Variants in MEI4 observed in about 807,000 individuals in gnomAD.
MEI4 encodes meiotic double-stranded break formation protein 4.
A neutral mutation model predicts 31.4 loss-of-function variants in MEI4; 27 were observed. That is an observed-to-expected ratio of 0.86 (90% CI 0.63 to 1.19). The LOEUF (loss-of-function observed/expected upper bound fraction) is 1.19, where lower values mean the gene tolerates loss of function less well. MEI4 is among the 50% of genes most tolerant of loss of function. The pLI is 0.00. For missense variants in MEI4, 329 were observed against 398.9 expected (o/e 0.82, Z 1.49); for synonymous variants, 122 against 145.4 (o/e 0.84, Z 1.16).
intron 3 of MEI4, among the ~76,000 whole-genome samples, chr6:77,778,701 T>C (rs917589235): frequency 6.9e-6 from 1 of 145,010 alleles, no homozygotes; most frequent in South Asian, 2.2e-4. Flanking sequence ...CCTGAGACCC[T>C]GTCTCAAATA....
At chr6:77,883,744 A>ATATATATAT (rs1491236242) in intron 4 of MEI4, among the ~76,000 whole-genome samples, 41 of 124,886 alleles carry the variant, frequency 3.3e-4, no homozygotes, top group East Asian at 7.8e-4. Context: ...ATATATATAT[A>ATATATATAT]ACTTTGTCTT....
intron 2 of MEI4, among the ~76,000 whole-genome samples, chr6:77,704,777 A>G (rs11965779): frequency 0.15 from 22,577 of 152,134 alleles, 1,814 homozygotes; most frequent in East Asian, 0.27. Context: ...GTAATCATTC[A>G]AAACACCTGA....
chr6:77,704,502 T>C (rs2127657644), intron 2 of MEI4, among the ~76,000 whole-genome samples: 1 of 152,314 alleles, frequency 6.6e-6, no homozygotes, highest in African/African-American at 2.4e-5. Flanking sequence ...TACTTTAAGG[T>C]GGTTCCTTAG....
Position 77,758,442 on chromosome 6 carries a change from C to G in MEI4, c.233-2688C>G, listed in dbSNP as rs115345936. Among the ~76,000 whole-genome samples, 1,059 of 152,212 alleles carry G rather than the reference C, an allele frequency of 7.0e-3. 13 individuals carry two copies. Among genetic ancestry groups the G allele is most frequent in the African/African-American group, 0.024 (999 of 41,538 alleles). On this transcript the variant is annotated intron_variant, in intron 2 of 4. Coordinates refer to ENST00000684080, the MANE Select transcript of MEI4 (RefSeq NM_001322247.2). ...ATCAGCTTCCTTTTTTTCTGAAGGACAAGAGCAGCAAATTAGATTTACGAA... is the reference window on the plus strand; with the variant it reads ...ATCAGCTTCCTTTTTTTCTGAAGGAGAAGAGCAGCAAATTAGATTTACGAA...
At chr6:77,868,585 C>T (rs1357247994) in intron 4 of MEI4, among the ~76,000 whole-genome samples, 1 of 140,276 alleles carries the variant, frequency 7.1e-6, no homozygotes, top group African/African-American at 2.6e-5. Flanking sequence ...CAATAAACTC[C>T]CCTATTGATT....
chr6:77,819,386 A>G (rs1322355232), intron 3 of MEI4, among the ~76,000 whole-genome samples: 1 of 151,934 alleles, frequency 6.6e-6, no homozygotes, highest in Non-Finnish European at 1.5e-5. Flanking sequence ...TTTTATAGAG[A>G]TAATATTTTG....
intron 3 of MEI4, among the ~76,000 whole-genome samples, chr6:77,791,487 C>T (rs1768930401): frequency 7.4e-6 from 1 of 134,264 alleles, no homozygotes; most frequent in Admixed American, 9.0e-5. Flanking sequence ...ACAATGAGAT[C>T]ACATGGACAC....
chr6:77,758,426 CT>C, intron 2 of MEI4, among the ~76,000 whole-genome samples: 1 of 152,194 alleles, frequency 6.6e-6, no homozygotes, highest in Non-Finnish European at 1.5e-5. Flanking sequence ...CATCAGCTTC[CT>C]TTTTTTCTGA....
intron 4 of MEI4, among the ~76,000 whole-genome samples, chr6:77,868,096 AT>A (rs1253792642): frequency 6.6e-6 from 1 of 151,976 alleles, no homozygotes; most frequent in Non-Finnish European, 1.5e-5. Flanking sequence ...GAGGGATAGC[AT>A]TAGGAGATTT....
At chr6:77,728,981 C>T (rs960411338) in intron 2 of MEI4, among the ~76,000 whole-genome samples, 2 of 152,124 alleles carry the variant, frequency 1.3e-5, no homozygotes, top group African/African-American at 4.8e-5. Context: ...AATGGTTTAG[C>T]ATAAGGTGGG....
chr6:77,891,841 G>C (rs990815642), intron 4 of MEI4, among the ~76,000 whole-genome samples: 1 of 152,140 alleles, frequency 6.6e-6, no homozygotes, highest in Non-Finnish European at 1.5e-5. Context: ...TTTGAATGTG[G>C]GTATGCACAG....
chr6:77,755,983 G>A (rs535595145), intron 2 of MEI4, among the ~76,000 whole-genome samples: 2 of 152,196 alleles, frequency 1.3e-5, no homozygotes, highest in East Asian at 1.9e-4. Context: ...TTACCTTAGT[G>A]TCTCCTGGAA....
intron 4 of MEI4, among the ~76,000 whole-genome samples, chr6:77,919,244 G>A (rs1416308978): frequency 6.6e-6 from 1 of 151,818 alleles, no homozygotes; most frequent in Non-Finnish European, 1.5e-5. Flanking sequence ...CCACATACTT[G>A]GAAGTAAAGC....
chr6:77,789,861 T>C (rs1768865164), intron 3 of MEI4, among the ~76,000 whole-genome samples: 1 of 152,078 alleles, frequency 6.6e-6, no homozygotes, highest in Non-Finnish European at 1.5e-5. Flanking sequence ...TCCTCAGGGA[T>C]CTAGAACTAG....
At chr6:77,781,305 A>G (rs898480521) in intron 3 of MEI4, among the ~76,000 whole-genome samples, 28 of 152,212 alleles carry the variant, frequency 1.8e-4, no homozygotes, top group South Asian at 4.2e-4. Flanking sequence ...CTAAATGGAC[A>G]TCTCTTTTTC....
chr6:77,738,505 G>A (rs1232679017), intron 2 of MEI4, among the ~76,000 whole-genome samples: 3 of 152,086 alleles, frequency 2.0e-5, no homozygotes, highest in Admixed American at 6.6e-5. Flanking sequence ...AGGGGCATTT[G>A]GGTTGGTTCC....
At chr6:77,872,841 T>C (rs1393702341) in intron 4 of MEI4, among the ~76,000 whole-genome samples, 2 of 150,864 alleles carry the variant, frequency 1.3e-5, no homozygotes, top group Admixed American at 1.3e-4. Context: ...TTTGGTTTTT[T>C]GTCCTTGCAA....
chr6:77,911,137 C>A (rs891048211), intron 4 of MEI4, among the ~76,000 whole-genome samples: 2 of 151,812 alleles, frequency 1.3e-5, no homozygotes, highest in African/African-American at 4.8e-5. Context: ...TGTTGCATTG[C>A]TTGAGTTTCT....
intron 2 of MEI4, among the ~76,000 whole-genome samples, chr6:77,741,379 C>T (rs757317963): frequency 2.2e-4 from 34 of 152,196 alleles, no homozygotes; most frequent in Middle Eastern, 3.4e-3. Flanking sequence ...AGAAGGGTGA[C>T]TCTCTGATTG....
Sources: allele counts gnomAD v4.1 joint callset (sites outside exome capture counted in the v4.1 genomes callset), GRCh38; gene constraint gnomAD v4.1.1; transcripts MANE v1.5; gene names NCBI Gene and HGNC (gene_info 2026-07-23, HGNC 2026-07-21).